RBFOX1: variants seen among roughly 807,000 people sequenced by gnomAD.
RBFOX1 encodes the protein RNA binding fox-1 homolog 1.
In RBFOX1, 8 loss-of-function variants were observed where a neutral mutation model predicts 57.7. The ratio of observed to expected loss-of-function variants is 0.14; its 90% confidence interval spans 0.08 to 0.25. The LOEUF is 0.25. Among genes scored for constraint, RBFOX1 ranks in the 10% least tolerant of loss-of-function variants. RBFOX1 has a pLI of 1.00. For synonymous variants in RBFOX1, 326 were observed against 222.4 expected, an observed-to-expected ratio of 1.47 and a Z score of -4.15; for missense variants, 611 against 548.5, an observed-to-expected ratio of 1.11 and a Z score of -1.14.
At chr16:5,916,103 C>G (rs2058698276) in intron 4 of RBFOX1, among the ~76,000 whole-genome samples, 1 of 152,126 alleles carries the variant, frequency 6.6e-6, no homozygotes, top group South Asian at 2.1e-4. Flanking sequence ...TAAGCCGTAT[C>G]TCAAGTGCAA....
intron 3 of RBFOX1, among the ~76,000 whole-genome samples, chr16:6,810,918 A>C (rs1445380587): frequency 2.0e-5 from 3 of 152,194 alleles, no homozygotes; most frequent in Non-Finnish European, 1.5e-5. Context: ...GACGGAGCCA[A>C]ATCATATCAA....
chr16:5,312,400 C>T (rs1241746392), intron 1 of RBFOX1, among the ~76,000 whole-genome samples: 1 of 152,190 alleles, frequency 6.6e-6, no homozygotes, highest in African/African-American at 2.4e-5. Flanking sequence ...CTCACTGCCA[C>T]CTCTGCTGCC....
Position 5,627,323 on chromosome 16 carries a change from G to T in RBFOX1, c.318+28362G>T, listed in dbSNP as rs185091978. On this transcript the variant is annotated intron_variant, in intron 3 of 19. Transcript: ENST00000641259. Reference sequence around the variant, plus strand: ...AGTAAATAAATAAATAGAACAAAAGGTAATGAATGAAACAGTCTGGTAGAA... The same window carrying T: ...AGTAAATAAATAAATAGAACAAAAGTTAATGAATGAAACAGTCTGGTAGAA... 1.6e-3 allele frequency among the ~76,000 whole-genome samples: 236 copies of T among 152,176 alleles called. 2 individuals are homozygous for T. The highest frequency in any genetic ancestry group is 5.2e-3 in the African/African-American group (216 of 41,514).
At chr16:5,983,538 G>A (rs2060215692) in intron 4 of RBFOX1, among the ~76,000 whole-genome samples, 2 of 152,194 alleles carry the variant, frequency 1.3e-5, no homozygotes, top group Non-Finnish European at 2.9e-5. Flanking sequence ...CCAGTTCGGG[G>A]ATCACCACTC....
At chr16:6,911,100 C>G (rs112973490) in intron 3 of RBFOX1, among the ~76,000 whole-genome samples, 1 of 151,644 alleles carries the variant, frequency 6.6e-6, no homozygotes, top group African/African-American at 2.4e-5. Flanking sequence ...ACTCGGGAGG[C>G]TGAGGCAGGA....
intron 2 of RBFOX1, among the ~76,000 whole-genome samples, chr16:6,562,903 A>C (rs1336612657): frequency 7.1e-5 from 2 of 28,020 alleles, no homozygotes; most frequent in Non-Finnish European, 1.7e-4. Context: ...TTTTTTGCAT[A>C]GTTGTTACTG....
chr16:6,365,138 G>T (rs1483515987), intron 2 of RBFOX1, among the ~76,000 whole-genome samples: 2 of 152,178 alleles, frequency 1.3e-5, no homozygotes, highest in East Asian at 1.9e-4. Flanking sequence ...TTAACAATCT[G>T]GGAGTGCTAT....
At chr16:5,256,792 G>A (rs553792094) in intron 1 of RBFOX1, among the ~76,000 whole-genome samples, 16 of 152,146 alleles carry the variant, frequency 1.1e-4, no homozygotes, top group Middle Eastern at 3.4e-3. Flanking sequence ...AAATTAGCCC[G>A]GTGTGGTGGC....
chr16:6,365,504 CAT>C (rs2089443197), intron 2 of RBFOX1, among the ~76,000 whole-genome samples: 1 of 152,082 alleles, frequency 6.6e-6, no homozygotes, highest in South Asian at 2.1e-4. Context: ...ACCTTGGATA[CAT>C]ACATGTAATA....
At chr16:7,559,065 T>A (rs1009390410) in intron 5 of RBFOX1, among the ~76,000 whole-genome samples, 2 of 152,224 alleles carry the variant, frequency 1.3e-5, no homozygotes, top group Non-Finnish European at 2.9e-5. Flanking sequence ...TAATCCTATT[T>A]CCCTTGCAGC....
At chr16:6,331,481 G>A (rs1431880725) in intron 2 of RBFOX1, among the ~76,000 whole-genome samples, 1 of 151,298 alleles carries the variant, frequency 6.6e-6, no homozygotes, top group Non-Finnish European at 1.5e-5. Context: ...TTAGAATAGG[G>A]GTGAGTTGTG....
chr16:7,278,331 C>G (rs1173955164), intron 4 of RBFOX1, among the ~76,000 whole-genome samples: 1 of 152,168 alleles, frequency 6.6e-6, no homozygotes, highest in Non-Finnish European at 1.5e-5. Flanking sequence ...CCTTCAGTGT[C>G]TCTAGATGGT....
At chr16:7,424,265 T>C (rs1422680169) in intron 4 of RBFOX1, among the ~76,000 whole-genome samples, 2 of 139,508 alleles carry the variant, frequency 1.4e-5, no homozygotes, top group South Asian at 2.4e-4. Flanking sequence ...TATATATATA[T>C]ACATATATAT....
intron 4 of RBFOX1, among the ~76,000 whole-genome samples, chr16:5,972,807 A>G (rs1248978119): frequency 6.6e-6 from 1 of 152,184 alleles, no homozygotes; most frequent in East Asian, 1.9e-4. Flanking sequence ...CCTGGGCACC[A>G]TGCACCCTTG....
chr16:5,716,091 A>G (rs1006682723), intron 3 of RBFOX1, among the ~76,000 whole-genome samples: 2 of 152,242 alleles, frequency 1.3e-5, no homozygotes, highest in African/African-American at 4.8e-5. Flanking sequence ...CAAGTATTAT[A>G]CACCAGAGAT....
chr16:6,637,002 TATG>T (rs2098442220), intron 2 of RBFOX1, among the ~76,000 whole-genome samples: 1 of 123,368 alleles, frequency 8.1e-6, no homozygotes, highest in Non-Finnish European at 1.6e-5. Context: ...ATGTATAAAA[TATG>T]TATAAATATG....
At chr16:5,286,659 A>G (rs1046815709) in intron 1 of RBFOX1, among the ~76,000 whole-genome samples, 13 of 152,226 alleles carry the variant, frequency 8.5e-5, no homozygotes, top group Non-Finnish European at 1.8e-4. Flanking sequence ...AAGGGGGATT[A>G]GGCTAAAATG....
intron 4 of RBFOX1, among the ~76,000 whole-genome samples, chr16:7,200,779 G>A (rs1408771514): frequency 2.6e-5 from 4 of 152,154 alleles, no homozygotes; most frequent in Non-Finnish European, 5.9e-5. Context: ...CCTGGGAAAA[G>A]CCTCTAATAG....
At chr16:6,448,783 C>T (rs1234554722) in intron 2 of RBFOX1, among the ~76,000 whole-genome samples, 1 of 152,098 alleles carries the variant, frequency 6.6e-6, no homozygotes, top group Non-Finnish European at 1.5e-5. Flanking sequence ...TTTGTGCCTT[C>T]AGCCACCTTA....
Sources: gnomAD v4.1 joint callset for allele counts (sites outside exome capture counted in the v4.1 genomes callset) on GRCh38, gnomAD v4.1.1 for gene constraint, MANE v1.5 for transcripts, NCBI Gene and HGNC (gene_info 2026-07-23, HGNC 2026-07-21) for gene names.